EPHB1: variants seen among roughly 807,000 people sequenced by gnomAD.
The protein encoded by EPHB1 is EPH receptor B1, also known as ephrin type-B receptor 1.
Under a neutral mutation model 94.4 loss-of-function variants are expected in EPHB1, and 30 were observed. The observed-to-expected ratio is 0.32, with a 90% CI of 0.24 to 0.43. The LOEUF (loss-of-function observed/expected upper bound fraction) is 0.43. Ranked by LOEUF, EPHB1 falls within the 20% of genes least tolerant of loss-of-function variation. EPHB1 has a pLI of 1.00. For synonymous variants in EPHB1, 522 were observed against 489.1 expected (o/e 1.07, Z -0.89); for missense variants, 1,055 against 1,308.3 (o/e 0.81, Z 2.99).
intron 1 of EPHB1, among the ~76,000 whole-genome samples, chr3:134,816,558 T>C (rs924896206): frequency 6.6e-6 from 1 of 152,068 alleles, no homozygotes. Context: ...GTGAGATAGA[T>C]GAGATAAGGT....
intron 3 of EPHB1, among the ~76,000 whole-genome samples, chr3:135,060,560 G>A (rs1431055049): frequency 1.3e-5 from 2 of 152,106 alleles, no homozygotes; most frequent in African/African-American, 2.4e-5. Flanking sequence ...GAATTTCTGG[G>A]TCACATGTGA....
intron 1 of EPHB1, among the ~76,000 whole-genome samples, chr3:134,804,045 G>A (rs2035984498): frequency 6.9e-6 from 1 of 145,652 alleles, no homozygotes; most frequent in Non-Finnish European, 1.5e-5. Flanking sequence ...CTGCGAGTCA[G>A]ACCCCCACTG....
At chr3:135,160,234 C>T (rs10804635) in intron 6 of EPHB1, among the ~76,000 whole-genome samples, 5 of 151,990 alleles carry the variant, frequency 3.3e-5, no homozygotes, top group African/African-American at 7.3e-5. Context: ...GCTGGCCAAA[C>T]GAAGGAATGA....
intron 2 of EPHB1, among the ~76,000 whole-genome samples, chr3:134,933,500 A>G (rs935374896): frequency 6.6e-5 from 10 of 152,168 alleles, no homozygotes; most frequent in African/African-American, 2.4e-4. Flanking sequence ...AGAGAGTAAC[A>G]GAGGGAATCA....
At chr3:134,983,130 C>G (rs576252197) in intron 3 of EPHB1, among the ~76,000 whole-genome samples, 24 of 152,130 alleles carry the variant, frequency 1.6e-4, no homozygotes, top group Admixed American at 1.6e-3. Context: ...AATAAAGAGG[C>G]CTCCCTTAGT....
chr3:135,020,463 A>G (rs1029118651), intron 3 of EPHB1, among the ~76,000 whole-genome samples: 3 of 152,086 alleles, frequency 2.0e-5, no homozygotes, highest in African/African-American at 7.2e-5. Context: ...GCATCCACCA[A>G]TCCATTTGCC....
chr3:135,053,055 A>AT (rs1360770430), intron 3 of EPHB1, among the ~76,000 whole-genome samples: 17 of 135,646 alleles, frequency 1.3e-4, no homozygotes, highest in African/African-American at 4.0e-4. Context: ...ATATATATAT[A>AT]AAGTTGGTGT....
At chr3:135,232,427 G>A (rs371053404) in intron 12 of EPHB1, among the ~76,000 whole-genome samples, 5 of 152,136 alleles carry the variant, frequency 3.3e-5, no homozygotes, top group African/African-American at 4.8e-5. Flanking sequence ...ACCCTCACTC[G>A]CAAGCAGGTG....
chr3:135,162,087 C>G lies in EPHB1; in HGVS notation c.1492C>G (p.Pro498Ala), dbSNP rs2107698210. 10 of 1,613,610 alleles carry G rather than the reference C, an allele frequency of 6.2e-6. No homozygotes were observed. Among genetic ancestry groups the G allele is most frequent in the Non-Finnish European group, 8.5e-6 (10 of 1,179,658 alleles). ...CACAGCAAGGATTGATGGGCTGCGG[C>G]CTGGCATGGTATATGTGGTACAGGT... Reference protein sequence around the residue: ...TNTARIDGLRPGMVYVVQVRA... With the variant: ...TNTARIDGLRAGMVYVVQVRA... Residue 498 changes from proline (P) to alanine (A), a missense_variant, in exon 7 of 16, where the codon CCT becomes GCT. Pro to Ala is a conservative substitution (Grantham distance 27). Coordinates refer to ENST00000398015, the MANE Select transcript of EPHB1 (RefSeq NM_004441.5).
chr3:134,804,524 T>C lies in EPHB1; in HGVS notation c.58+8835T>C, dbSNP rs76899066. Among the ~76,000 whole-genome samples, 246 of 152,194 alleles carry C rather than the reference T, an allele frequency of 1.6e-3. 1 individual carries two copies. Among genetic ancestry groups the C allele is most frequent in the African/African-American group, 5.7e-3 (236 of 41,534 alleles). On this transcript the variant is annotated intron_variant, in intron 1 of 15. Transcript: ENST00000398015. ...AGCTGTGTTGCTTAGATGGTTGCAGTTGGCATCTGTGCCTGGATCTTGGTG... is the reference window on the plus strand; with the variant it reads ...AGCTGTGTTGCTTAGATGGTTGCAGCTGGCATCTGTGCCTGGATCTTGGTG...
chr3:134,808,099 G>A (rs958397075), intron 1 of EPHB1, among the ~76,000 whole-genome samples: 12 of 152,352 alleles, frequency 7.9e-5, no homozygotes, highest in African/African-American at 2.6e-4. Flanking sequence ...TGGATCTGCA[G>A]GGATGAATGG....
At chr3:135,180,718 T>G (rs1451092504) in intron 10 of EPHB1, among the ~76,000 whole-genome samples, 1 of 152,244 alleles carries the variant, frequency 6.6e-6, no homozygotes, top group Non-Finnish European at 1.5e-5. Context: ...CTGAGTCAAT[T>G]TGGCAATGGA....
At chr3:134,812,722 C>T (rs2036199359) in intron 1 of EPHB1, among the ~76,000 whole-genome samples, 1 of 152,190 alleles carries the variant, frequency 6.6e-6, no homozygotes, top group African/African-American at 2.4e-5. Flanking sequence ...GCATTTCCTC[C>T]AGCAGTGTAT....
chr3:134,807,380 C>T (rs1057000499), intron 1 of EPHB1, among the ~76,000 whole-genome samples: 1 of 152,080 alleles, frequency 6.6e-6, no homozygotes, highest in Non-Finnish European at 1.5e-5. Flanking sequence ...AGACTACAGG[C>T]TGTAATAGGG....
intron 1 of EPHB1, among the ~76,000 whole-genome samples, chr3:134,864,481 T>C (rs906025671): frequency 1.3e-5 from 2 of 152,218 alleles, no homozygotes; most frequent in Non-Finnish European, 2.9e-5. Context: ...CAGGACTGAA[T>C]GACAATCCTC....
At chr3:134,886,984 A>G (rs2037875026) in intron 1 of EPHB1, among the ~76,000 whole-genome samples, 1 of 152,226 alleles carries the variant, frequency 6.6e-6, no homozygotes, top group Non-Finnish European at 1.5e-5. Context: ...AATTGGAGAT[A>G]TATAATCATG....
At chr3:135,242,418 C>A (rs138072564) in intron 13 of EPHB1, among the ~76,000 whole-genome samples, 3 of 152,122 alleles carry the variant, frequency 2.0e-5, no homozygotes, top group Non-Finnish European at 2.9e-5. Context: ...AGTCAGCAAG[C>A]CTTCTATCCT....
rs531378832 is a variant in EPHB1 at position 134,961,296 on chromosome 3, G to A, written c.805+9244G>A. 7.9e-5 allele frequency among the ~76,000 whole-genome samples: 12 copies of A among 152,244 alleles called. No individual in the cohort carries two copies. The South Asian group carries it at 2.5e-3, about 32-fold the overall frequency. On this transcript the variant is annotated intron_variant, in intron 3 of 15. Transcript: ENST00000398015. Reference sequence around the variant, plus strand: ...GCATGGCCACATCCGGCTAGATAAAGCCTCGAAGGACAGCGAGTCAAGCAC... The same window carrying A: ...GCATGGCCACATCCGGCTAGATAAAACCTCGAAGGACAGCGAGTCAAGCAC...
intron 4 of EPHB1, among the ~76,000 whole-genome samples, chr3:135,122,579 C>T (rs142921400): frequency 1.3e-5 from 2 of 152,164 alleles, no homozygotes; most frequent in Admixed American, 6.5e-5. Context: ...CTGAGGTGCA[C>T]TGCCTCCCAG....
Sources: gnomAD v4.1 joint callset for allele counts (sites outside exome capture counted in the v4.1 genomes callset) on GRCh38, gnomAD v4.1.1 for gene constraint, MANE v1.5 for transcripts, NCBI Gene and HGNC (gene_info 2026-07-23, HGNC 2026-07-21) for gene names.